Variants in EYA2 observed in about 807,000 individuals in gnomAD.
EYA2 encodes protein phosphatase EYA2.
In EYA2, 31 loss-of-function variants were observed where a neutral mutation model predicts 69.2. That is an observed-to-expected ratio of 0.45 (90% CI 0.34 to 0.60). EYA2 has a LOEUF of 0.60. Ranked by LOEUF, EYA2 falls within the 20% of genes least tolerant of loss-of-function variation. The pLI, the probability that EYA2 is intolerant of heterozygous loss-of-function variation, is 0.02. For synonymous variants in EYA2, 257 were observed against 279.4 expected (o/e 0.92, Z 0.80); for missense variants, 622 against 701.2 (o/e 0.89, Z 1.28).
chr20:47,023,980 ATCTT>A (rs1032884778), intron 5 of EYA2, among the ~76,000 whole-genome samples: 1 of 151,998 alleles, frequency 6.6e-6, no homozygotes, highest in African/African-American at 2.4e-5. Context: ...AACATGTCCA[ATCTT>A]TCTTCTGGCT....
chr20:47,163,600 A>C (rs1433141873), intron 10 of EYA2, among the ~76,000 whole-genome samples: 1 of 147,176 alleles, frequency 6.8e-6, no homozygotes, highest in African/African-American at 2.5e-5. Context: ...CAGAAGGCTG[A>C]GGCAGGAGAA....
At chr20:46,895,297 A>G (rs1983745653) in intron 1 of EYA2, among the ~76,000 whole-genome samples, 2 of 152,138 alleles carry the variant, frequency 1.3e-5, no homozygotes, top group Non-Finnish European at 2.9e-5. Context: ...CATGGCGCGC[A>G]GGCGGTGTAG....
In EYA2 at chr20:46,929,074, G is replaced by T. The variant is rs1013609534; in HGVS notation, c.-11+34087G>T. Among the ~76,000 whole-genome samples the T allele has an allele frequency of 2.6e-5, 4 of 151,288 alleles. No homozygotes were observed. In the Middle Eastern group the frequency reaches 0.014, roughly 518 times the overall value. On this transcript the variant is annotated intron_variant, in intron 1 of 15. Transcript: ENST00000327619. ...ATAGCAAAATGGAAGCATTGTTCCCGAGGGTTTGGAGCAGGCTCAGGGAAC... is the reference window on the plus strand; with the variant it reads ...ATAGCAAAATGGAAGCATTGTTCCCTAGGGTTTGGAGCAGGCTCAGGGAAC...
At chr20:47,124,876 A>T (rs910194802) in intron 9 of EYA2, among the ~76,000 whole-genome samples, 1 of 39,644 alleles carries the variant, frequency 2.5e-5, no homozygotes, top group Non-Finnish European at 5.0e-5. Flanking sequence ...TTCAAAGATT[A>T]AAAAAAAAAA....
intron 1 of EYA2, among the ~76,000 whole-genome samples, chr20:46,910,439 A>G (rs1984588401): frequency 6.6e-6 from 1 of 152,206 alleles, no homozygotes; most frequent in African/African-American, 2.4e-5. Context: ...CCATTTCAAC[A>G]TGAGACTTGG....
chr20:46,990,097 G>A lies in EYA2; in HGVS notation c.87G>A (p.Val29=). 2 of 1,609,636 alleles carry A rather than the reference G, an allele frequency of 1.2e-6. No homozygotes were observed. The highest frequency in any genetic ancestry group is 1.1e-5 in the South Asian group (1 of 90,920). The part of the protein sequence containing the change: ...KLKFNRADAA[V]WTLSDRQGIT... ...AGTTTAACCGTGCTGACGCTGCTGT[G>A]TGGACTCTGAGTGACAGACAAGGTA... The change falls in exon 2 of 16, where the codon GTG becomes GTA. Residue 29 remains valine (V), a synonymous_variant. Transcript: ENST00000327619.
intron 5 of EYA2, among the ~76,000 whole-genome samples, chr20:47,029,017 A>ATTTGTTGT (rs1251421531): frequency 1.3e-5 from 2 of 152,258 alleles, no homozygotes; most frequent in African/African-American, 4.8e-5. Context: ...AATTTTTAAA[A>ATTTGTTGT]TAAAATAAAA....
chr20:47,161,662 G>T, intron 10 of EYA2: 1 of 197,536 alleles, frequency 5.1e-6, no homozygotes, highest in South Asian at 7.8e-5. Context: ...AAGCCACCGT[G>T]GTTCCCCATC....
intron 11 of EYA2, among the ~76,000 whole-genome samples, 154 bp from the exon 12 acceptor site, chr20:47,172,553 C>T (rs2034342197): frequency 1.3e-5 from 2 of 152,190 alleles, no homozygotes; most frequent in African/African-American, 4.8e-5. Flanking sequence ...GTCCTGCTGC[C>T]CCCCAAATGC....
chr20:47,051,957 T>C (rs2030359655), intron 5 of EYA2, among the ~76,000 whole-genome samples: 1 of 152,230 alleles, frequency 6.6e-6, no homozygotes, highest in Non-Finnish European at 1.5e-5. Context: ...TAATGTCAAC[T>C]CATTCACTTT....
At chr20:46,898,221 G>A (rs755986777) in intron 1 of EYA2, among the ~76,000 whole-genome samples, 2 of 151,086 alleles carry the variant, frequency 1.3e-5, no homozygotes, top group Non-Finnish European at 2.9e-5. Context: ...TTTGTTGGTG[G>A]AAGGAACCGG....
chr20:47,026,933 CTT>C (rs1984124266), intron 5 of EYA2, among the ~76,000 whole-genome samples: 1 of 152,250 alleles, frequency 6.6e-6, no homozygotes, highest in East Asian at 1.9e-4. Flanking sequence ...TATACACTCT[CTT>C]TGAAACACCT....
intron 10 of EYA2, among the ~76,000 whole-genome samples, chr20:47,147,561 G>A (rs993826360): frequency 6.6e-6 from 1 of 152,152 alleles, no homozygotes; most frequent in Non-Finnish European, 1.5e-5. Context: ...GACGCCTTTG[G>A]GCCATTGTAA....
intron 1 of EYA2, among the ~76,000 whole-genome samples, chr20:46,950,810 C>T (rs982881122): frequency 6.6e-6 from 1 of 152,134 alleles, no homozygotes; most frequent in Non-Finnish European, 1.5e-5. Context: ...AAGATCAGGG[C>T]TCCAGTGCCA....
intron 1 of EYA2, among the ~76,000 whole-genome samples, chr20:46,928,570 G>A (rs1293843266): frequency 6.6e-6 from 1 of 152,214 alleles, no homozygotes; most frequent in African/African-American, 2.4e-5. Context: ...GCCAGAAACA[G>A]AAGTTGAAGC....
intron 5 of EYA2, among the ~76,000 whole-genome samples, chr20:47,059,997 T>C (rs2030805289): frequency 6.6e-6 from 1 of 152,214 alleles, no homozygotes; most frequent in African/African-American, 2.4e-5. Flanking sequence ...TTTTGTTTTG[T>C]TTTTGGTTTT....
At position 46,937,649 on chromosome 20, in the gene EYA2, ATTTT is replaced by A. The variant is rs5841661; in HGVS notation, c.-11+42678_-11+42681del. ...AATGCACACATTTCATCATGCCTTG[ATTTT>A]TTTTTTTTTTTTTTTGTCCTTTTTA... On this transcript the variant is annotated intron_variant, in intron 1 of 15. Transcript: ENST00000327619. 8.1e-3 allele frequency among the ~76,000 whole-genome samples: 1,039 copies of A among 128,428 alleles called. 8 individuals are homozygous for A. The highest frequency in any genetic ancestry group is 0.026 in the African/African-American group (893 of 34,818). The allele number at this position is 128,428 out of a possible 152,430, so 84.3% of individuals were successfully genotyped here. A position where few individuals can be genotyped will look rare whatever the true frequency, so the allele number is the denominator to read the frequency against.
chr20:46,929,575 A>G (rs1045743042), intron 1 of EYA2, among the ~76,000 whole-genome samples: 1 of 152,100 alleles, frequency 6.6e-6, no homozygotes, highest in African/African-American at 2.4e-5. Context: ...GAAGCATGCA[A>G]GCAGAGCCCG....
intron 1 of EYA2, among the ~76,000 whole-genome samples, chr20:46,932,520 TG>T (rs146848575): frequency 0.037 from 5,674 of 152,206 alleles, 309 homozygotes; most frequent in African/African-American, 0.12. Context: ...GATTGGATCT[TG>T]GGGGCATTTT....
Sources: allele counts gnomAD v4.1 joint callset (sites outside exome capture counted in the v4.1 genomes callset), GRCh38; gene constraint gnomAD v4.1.1; transcripts MANE v1.5; gene names NCBI Gene and HGNC (gene_info 2026-07-23, HGNC 2026-07-21).